LARGE1: variants seen among roughly 807,000 people sequenced by gnomAD.
LARGE1 encodes the protein xylosyl- and glucuronyltransferase LARGE1.
Under a neutral mutation model 87.6 loss-of-function variants are expected in LARGE1, and 43 were observed. The ratio of observed to expected loss-of-function variants is 0.49; its 90% confidence interval spans 0.38 to 0.63. The LOEUF (loss-of-function observed/expected upper bound fraction) is 0.63. LARGE1 is among the 30% of genes least tolerant of loss of function. LARGE1 has a pLI of 0.00. For synonymous variants in LARGE1, 434 were observed against 394.6 expected, an observed-to-expected ratio of 1.10 and a Z score of -1.18; for missense variants, 802 against 1,000.2, an observed-to-expected ratio of 0.80 and a Z score of 2.67.
chr22:33,428,572 C>G (rs563172467), intron 7 of LARGE1, among the ~76,000 whole-genome samples: 1 of 150,356 alleles, frequency 6.7e-6, no homozygotes, highest in South Asian at 2.1e-4. Context: ...CTCGGCCTCC[C>G]AAAGTGCTGA....
intron 1 of LARGE1, among the ~76,000 whole-genome samples, chr22:33,786,969 C>T (rs1052690049): frequency 4.1e-5 from 6 of 145,794 alleles, no homozygotes; most frequent in Admixed American, 7.1e-5. Context: ...TGAAGTGAGG[C>T]GAAATTGTGC....
chr22:33,310,932 G>A (rs1172266912), intron 11 of LARGE1, among the ~76,000 whole-genome samples: 4 of 151,712 alleles, frequency 2.6e-5, no homozygotes, highest in Non-Finnish European at 4.4e-5. Flanking sequence ...GCTATGGTTG[G>A]TGTTTGCTGT....
chr22:33,449,611 T>C (rs1030595995), intron 6 of LARGE1, among the ~76,000 whole-genome samples: 1 of 152,268 alleles, frequency 6.6e-6, no homozygotes, highest in Non-Finnish European at 1.5e-5. Flanking sequence ...AGATTCACAA[T>C]TGGCTTCCTT....
intron 2 of LARGE1, among the ~76,000 whole-genome samples, chr22:33,694,592 C>T (rs1431548511): frequency 6.6e-6 from 1 of 152,082 alleles, no homozygotes; most frequent in African/African-American, 2.4e-5. Flanking sequence ...TGAGGTTCCA[C>T]CATCTTCAAC....
the LARGE1 span, among the ~76,000 whole-genome samples, chr22:33,149,181 C>G: frequency 2.0e-5 from 3 of 150,548 alleles, no homozygotes; most frequent in Non-Finnish European, 4.4e-5. Context: ...GGACTACAGG[C>G]GCCCGTCACC....
chr22:33,879,938 T>C (rs945603174), intron 1 of LARGE1, among the ~76,000 whole-genome samples: 4 of 152,194 alleles, frequency 2.6e-5, no homozygotes, highest in African/African-American at 9.7e-5. Context: ...ACCCTGTTTT[T>C]TGTTCTGAGT....
At chr22:33,167,742 C>A (rs1231339239) in intron 11 of LARGE1, among the ~76,000 whole-genome samples, 1 of 152,196 alleles carries the variant, frequency 6.6e-6, no homozygotes, top group East Asian at 1.9e-4. Context: ...CTACTCATTT[C>A]TCCAAGCTCT....
intron 9 of LARGE1, among the ~76,000 whole-genome samples, chr22:33,350,316 C>T (rs1007293211): frequency 6.6e-6 from 1 of 152,176 alleles, no homozygotes; most frequent in African/African-American, 2.4e-5. Context: ...TGTTAAGTGT[C>T]CTCAATGACT....
chr22:33,689,156 T>C (rs571964140), intron 2 of LARGE1, among the ~76,000 whole-genome samples: 1 of 150,138 alleles, frequency 6.7e-6, no homozygotes, highest in Admixed American at 6.7e-5. Context: ...TCTCTCTCTC[T>C]CTCTCTCTCT....
chr22:33,588,603 G>C (rs1489699205), intron 5 of LARGE1, among the ~76,000 whole-genome samples: 2 of 152,194 alleles, frequency 1.3e-5, no homozygotes, highest in African/African-American at 4.8e-5. Flanking sequence ...GCAAGTCCAA[G>C]TTGGAAAATT....
chr22:33,100,378 A>T, the LARGE1 span, among the ~76,000 whole-genome samples: 1 of 151,242 alleles, frequency 6.6e-6, no homozygotes, highest in African/African-American at 2.4e-5. Context: ...AAAAGTAAAA[A>T]ATTAAATAAA....
intron 1 of LARGE1, among the ~76,000 whole-genome samples, chr22:33,777,494 T>C (rs1046537891): frequency 6.6e-6 from 1 of 152,010 alleles, no homozygotes; most frequent in Non-Finnish European, 1.5e-5. Context: ...ATTTTTTAAA[T>C]TAGCCAGGTG....
chr22:33,779,949 G>T (rs927441422), intron 1 of LARGE1, among the ~76,000 whole-genome samples: 6 of 131,302 alleles, frequency 4.6e-5, no homozygotes, highest in African/African-American at 1.5e-4. Context: ...CTACAAATTG[G>T]GTGGCTTAAA....
chr22:33,350,500 A>G (rs934573401), intron 9 of LARGE1, among the ~76,000 whole-genome samples: 2 of 152,198 alleles, frequency 1.3e-5, no homozygotes, highest in African/African-American at 4.8e-5. Context: ...AGAAGGAAGC[A>G]GATCCCACCT....
At chr22:33,564,479 T>C (rs978717695) in intron 6 of LARGE1, among the ~76,000 whole-genome samples, 5 of 152,194 alleles carry the variant, frequency 3.3e-5, no homozygotes, top group African/African-American at 1.2e-4. Flanking sequence ...CTAGAATCAA[T>C]ACTCATCTCT....
rs1412174458 is a variant in LARGE1 at position 33,328,363 on chromosome 22, C to T, written c.1287+9283G>A. Among the ~76,000 whole-genome samples, 3 of 151,934 alleles carry T rather than the reference C, an allele frequency of 2.0e-5. No individual in the cohort carries two copies. The East Asian group carries it at 5.8e-4, about 29-fold the overall frequency. On this transcript the variant is annotated intron_variant, in intron 10 of 14. Coordinates refer to ENST00000397394, the MANE Select transcript of LARGE1 (RefSeq NM_133642.5). Reference sequence around the variant, plus strand: ...TTGGGAGGCTGAGGTGGGTGGATCACGAGGTCAGGAGTTCAAGACCAGCCT... The same window carrying T: ...TTGGGAGGCTGAGGTGGGTGGATCATGAGGTCAGGAGTTCAAGACCAGCCT...
At chr22:33,275,481 A>T (rs1929060541) in intron 14 of LARGE1, among the ~76,000 whole-genome samples, 1 of 152,204 alleles carries the variant, frequency 6.6e-6, no homozygotes, top group African/African-American at 2.4e-5. Context: ...ACAATACAAC[A>T]GCAGCAAGAA....
chr22:33,765,537 C>T (rs544060921), intron 1 of LARGE1, among the ~76,000 whole-genome samples: 1 of 151,992 alleles, frequency 6.6e-6, no homozygotes, highest in African/African-American at 2.4e-5. Context: ...AACCCGGTCT[C>T]TACTAAAAAT....
At chr22:33,114,726 G>T in the LARGE1 span, among the ~76,000 whole-genome samples, 1 of 152,188 alleles carries the variant, frequency 6.6e-6, no homozygotes, top group Admixed American at 6.5e-5. Flanking sequence ...CCTTAGGGAG[G>T]TAATTTCACT....
Sources: allele counts gnomAD v4.1 joint callset (sites outside exome capture counted in the v4.1 genomes callset), GRCh38; gene constraint gnomAD v4.1.1; transcripts MANE v1.5; gene names NCBI Gene and HGNC (gene_info 2026-07-23, HGNC 2026-07-21).